The following APBA2 variants were observed in gnomAD, a reference collection of about 807,000 sequenced individuals.
APBA2 encodes amyloid beta precursor protein binding family A member 2, also known as amyloid-beta A4 precursor protein-binding family A member 2.
Under a neutral mutation model 75.0 loss-of-function variants are expected in APBA2, and 30 were observed. The ratio of observed to expected loss-of-function variants is 0.40; its 90% CI spans 0.30 to 0.54. The LOEUF is 0.54. Among genes scored for constraint, APBA2 ranks in the 20% least tolerant of loss-of-function variants. The probability of loss-of-function intolerance (pLI) is 0.49; values close to 1 mark genes in which losing one functional copy is unlikely to be tolerated. For synonymous variants in APBA2, 444 were observed against 409.6 expected, an observed-to-expected ratio of 1.08 and a Z score of -1.01; for missense variants, 801 against 1,016.1, an observed-to-expected ratio of 0.79 and a Z score of 2.88.
At position 28,909,396 on chromosome 15, in the gene APBA2, C is replaced by T. The variant is rs1374080890; in HGVS notation, c.-204-12244C>T. Among the ~76,000 whole-genome samples the T allele has an allele frequency of 3.9e-5, 6 of 152,204 alleles. No homozygotes were observed. The East Asian group carries it at 5.8e-4, about 15-fold the overall frequency. On this transcript the variant is annotated intron_variant, in intron 1 of 14. Transcript: ENST00000683413. ...TTTCCAACTGGCTTCTTTCACTTCGCGTGACGCCCTCAAGGCCCATCTGTG... is the reference window on the plus strand; with the variant it reads ...TTTCCAACTGGCTTCTTTCACTTCGTGTGACGCCCTCAAGGCCCATCTGTG...
At chr15:29,068,943 T>C (rs1435992508) in intron 4 of APBA2, among the ~76,000 whole-genome samples, 1 of 152,240 alleles carries the variant, frequency 6.6e-6, no homozygotes, top group African/African-American at 2.4e-5. Flanking sequence ...TGCAACCACC[T>C]CTGCTCTTTA....
At chr15:29,071,892 C>A (rs991637953) in intron 4 of APBA2, among the ~76,000 whole-genome samples, 4 of 152,124 alleles carry the variant, frequency 2.6e-5, no homozygotes, top group Non-Finnish European at 4.4e-5. Flanking sequence ...CCCGTGGACA[C>A]CCCATACTAT....
At chr15:29,017,474 A>G (rs917768821) in intron 3 of APBA2, among the ~76,000 whole-genome samples, 1 of 140,076 alleles carries the variant, frequency 7.1e-6, no homozygotes, top group Non-Finnish European at 1.5e-5. Flanking sequence ...GGTTCAAGCA[A>G]TTCTCCTGCC....
intron 3 of APBA2, among the ~76,000 whole-genome samples, chr15:29,017,312 C>A (rs896399086): frequency 3.3e-5 from 5 of 151,826 alleles, no homozygotes; most frequent in Non-Finnish European, 7.4e-5. Context: ...TTCTGGAATT[C>A]CCATCTATCT....
Position 29,101,639 on chromosome 15 carries a change from T to C in APBA2, c.1379T>C (p.Ile460Thr). 1 of 1,613,702 alleles carries C rather than the reference T, an allele frequency of 6.2e-7. No individual in the cohort carries two copies. Residue 460 changes from isoleucine (I) to threonine (T), a missense_variant, in exon 10 of 15, where the codon ATC becomes ACC. Physicochemically the swap from Ile to Thr is moderately conservative, Grantham distance 89. Transcript: ENST00000683413. ...CACGCCTTGCGTACCATCTCCTACA[T>C]CGCCGACATTGGGAACATTGTAGTG... ...MDHALRTISY[I>T]ADIGNIVVLM...
intron 2 of APBA2, among the ~76,000 whole-genome samples, chr15:28,937,646 GTTTCTTTTTTT>G (rs2034953573): frequency 1.3e-5 from 2 of 151,808 alleles, no homozygotes; most frequent in African/African-American, 2.4e-5. Flanking sequence ...GTTGGATTTA[GTTTCTTTTTTT>G]TTTCTTTTTT....
At chr15:28,905,202 C>T (rs1205957447) in intron 1 of APBA2, among the ~76,000 whole-genome samples, 2 of 152,144 alleles carry the variant, frequency 1.3e-5, no homozygotes, top group African/African-American at 4.8e-5. Flanking sequence ...TCTGCGGCCC[C>T]AGGAGGATCT....
At chr15:28,898,544 T>C (rs1236779209) in intron 1 of APBA2, among the ~76,000 whole-genome samples, 1 of 152,112 alleles carries the variant, frequency 6.6e-6, no homozygotes, top group Non-Finnish European at 1.5e-5. Flanking sequence ...TGTGTGGAAA[T>C]CAGGTTGCCT....
At chr15:29,078,626 A>G (rs574802377) in intron 6 of APBA2, among the ~76,000 whole-genome samples, 70 of 150,874 alleles carry the variant, frequency 4.6e-4, no homozygotes, top group African/African-American at 1.3e-3. Context: ...AAAAAAAAAC[A>G]AAACAAAAAA....
Position 28,891,098 on chromosome 15 carries a change from A to T in APBA2, c.-205+4820A>T, listed in dbSNP as rs1422084715. 1.6e-4 allele frequency among the ~76,000 whole-genome samples: 25 copies of T among 152,346 alleles called. No homozygotes were observed. The East Asian group carries it at 4.8e-3, about 29-fold the overall frequency. On this transcript the variant is annotated intron_variant, in intron 1 of 14. Coordinates refer to ENST00000683413, the MANE Select transcript of APBA2 (RefSeq NM_001353788.2). ...GTTTTCTGGAAACGGAAACACTCCA[A>T]CATTTGAAGATGGTTTTGATGGCGA...
chr15:28,989,788 A>G (rs962452703), intron 2 of APBA2, among the ~76,000 whole-genome samples: 2 of 152,190 alleles, frequency 1.3e-5, no homozygotes, highest in Non-Finnish European at 2.9e-5. Flanking sequence ...CTGGGGTCAG[A>G]CGTAGACGTG....
chr15:28,995,270 C>T (rs962501175), intron 2 of APBA2, among the ~76,000 whole-genome samples: 13 of 152,170 alleles, frequency 8.5e-5, no homozygotes, highest in African/African-American at 3.1e-4. Context: ...AGAAGGTGGG[C>T]TGAGACCCTG....
intron 1 of APBA2, among the ~76,000 whole-genome samples, chr15:28,908,153 G>A (rs1387059328): frequency 6.6e-6 from 1 of 152,080 alleles, no homozygotes; most frequent in East Asian, 1.9e-4. Flanking sequence ...CAGCCCTGTG[G>A]GCCTGGATAA....
intron 1 of APBA2, among the ~76,000 whole-genome samples, chr15:28,901,127 G>A (rs1289549623): frequency 3.3e-5 from 5 of 152,182 alleles, no homozygotes; most frequent in Non-Finnish European, 7.3e-5. Flanking sequence ...CATGTGATGC[G>A]GTCACTCTAG....
chr15:29,002,958 C>T (rs895327979), intron 3 of APBA2, among the ~76,000 whole-genome samples: 17 of 152,012 alleles, frequency 1.1e-4, no homozygotes, highest in African/African-American at 3.4e-4. Flanking sequence ...GACGGGCGTT[C>T]CAGGCAAACA....
intron 3 of APBA2, among the ~76,000 whole-genome samples, chr15:29,049,926 C>A (rs2041515599): frequency 6.6e-6 from 1 of 151,970 alleles, no homozygotes; most frequent in Non-Finnish European, 1.5e-5. Flanking sequence ...GAGAAAAAGG[C>A]CATTAGGGAG....
intron 2 of APBA2, among the ~76,000 whole-genome samples, chr15:28,962,984 T>A (rs2036556170): frequency 6.6e-6 from 1 of 152,100 alleles, no homozygotes; most frequent in Non-Finnish European, 1.5e-5. Context: ...GTTTTGAAAG[T>A]TGCCTGGAGA....
At chr15:28,890,422 C>T (rs991868123) in intron 1 of APBA2, among the ~76,000 whole-genome samples, 21 of 152,210 alleles carry the variant, frequency 1.4e-4, no homozygotes, top group South Asian at 8.3e-4. Flanking sequence ...GGCACCCCCA[C>T]GCCCAGATTC....
chr15:29,032,942 T>C (rs1423179445), intron 3 of APBA2, among the ~76,000 whole-genome samples: 1 of 152,180 alleles, frequency 6.6e-6, no homozygotes, highest in African/African-American at 2.4e-5. Flanking sequence ...AGCTGCAGCA[T>C]GGGGAGCATG....
Sources: gnomAD v4.1 joint callset for allele counts (sites outside exome capture counted in the v4.1 genomes callset) on GRCh38, gnomAD v4.1.1 for gene constraint, MANE v1.5 for transcripts, NCBI Gene and HGNC (gene_info 2026-07-23, HGNC 2026-07-21) for gene names.